PCDHGB1: variants seen among roughly 807,000 people sequenced by gnomAD.
The protein encoded by PCDHGB1 is protocadherin gamma subfamily B, 1, also known as protocadherin gamma-B1.
PCDHGB1 carries 34 observed loss-of-function variants against 56.6 expected under a neutral mutation model. The ratio of observed to expected loss-of-function variants is 0.60; its 90% CI spans 0.46 to 0.80. The LOEUF (loss-of-function observed/expected upper bound fraction) is 0.80. Among genes scored for constraint, PCDHGB1 ranks in the 30% least tolerant of loss-of-function variants. PCDHGB1 has a pLI of 0.00. For synonymous variants in PCDHGB1, 561 were observed against 505.9 expected (o/e 1.11, Z -1.46); for missense variants, 1,278 against 1,204.6 (o/e 1.06, Z -0.90).
At position 141,489,585 on chromosome 5, in the gene PCDHGB1, G is replaced by A; in HGVS notation, c.2410-5222G>A. 3 of 1,614,090 alleles carry A rather than the reference G, an allele frequency of 1.9e-6. No individual in the cohort carries two copies. Among genetic ancestry groups the A allele is most frequent in the Non-Finnish European group, 2.5e-6 (3 of 1,180,004 alleles). The stretch of plus-strand genomic sequence containing the variant: ...AGGTGGTGACTGAACACCCCCTGGA[G>A]CTAATCCGTGTAGAGGTAGAGATCC... On this transcript the variant is annotated intron_variant, in intron 1 of 3. Coordinates refer to ENST00000523390, the MANE Select transcript of PCDHGB1 (RefSeq NM_018922.3). The surrounding 1 kb of genome is among the most constrained non-coding windows in gnomAD (Gnocchi z 4.5).
intron 1 of PCDHGB1, chr5:141,366,667 C>G (rs267600454): frequency 2.9e-5 from 47 of 1,614,054 alleles, no homozygotes; most frequent in Middle Eastern, 1.6e-4. Context: ...CAGACACGCT[C>G]CTTAGTGAAG....
At chr5:141,364,450 CA>C (rs754806491) in intron 1 of PCDHGB1, 3 of 1,613,980 alleles carry the variant, frequency 1.9e-6, no homozygotes, top group Non-Finnish European at 2.5e-6. Context: ...AGGAGCTGGA[CA>C]AAGGCTCCTT....
chr5:141,384,928 A>G (rs1780667479), intron 1 of PCDHGB1: 3 of 1,614,014 alleles, frequency 1.9e-6, no homozygotes, highest in Non-Finnish European at 2.5e-6. Context: ...CGACCTGGGC[A>G]GCCTTGAGCC....
At chr5:141,408,969 C>G (rs1005367761) in intron 1 of PCDHGB1, 1 of 1,613,594 alleles carries the variant, frequency 6.2e-7, no homozygotes, top group African/African-American at 1.3e-5. Flanking sequence ...GAAAATCTGC[C>G]CCCTGGGTCC....
At chr5:141,488,260 G>A (rs1297588710) in intron 1 of PCDHGB1, among the ~76,000 whole-genome samples, 2 of 152,182 alleles carry the variant, frequency 1.3e-5, no homozygotes, top group Non-Finnish European at 1.5e-5. Context: ...AGGTTGGGGC[G>A]GGTTGGTCAT....
chr5:141,476,897 A>G lies in PCDHGB1; in HGVS notation c.2410-17910A>G. ...CGTCCTGGAGGATGCACCCTCCGGC[A>G]CGCGCGTGGTACAAGTCCTTGCAAC... On this transcript the variant is annotated intron_variant, in intron 1 of 3. Coordinates refer to ENST00000523390, the MANE Select transcript of PCDHGB1 (RefSeq NM_018922.3). The surrounding 1 kb of genome is among the most constrained non-coding windows in gnomAD (Gnocchi z 7.6). 1 of 1,613,938 alleles carries G rather than the reference A, an allele frequency of 6.2e-7. No individual in the cohort carries two copies. Among genetic ancestry groups the G allele is most frequent in the Non-Finnish European group, 8.5e-7 (1 of 1,180,012 alleles).
chr5:141,501,425 G>A (rs1444899306), intron 2 of PCDHGB1, among the ~76,000 whole-genome samples: 1 of 151,726 alleles, frequency 6.6e-6, no homozygotes, highest in Non-Finnish European at 1.5e-5. Flanking sequence ...TTGACTAAAT[G>A]TAGTCCATTT....
chr5:141,440,103 A>G (rs1391819927), intron 1 of PCDHGB1: 1 of 152,222 alleles, frequency 6.6e-6, no homozygotes, highest in Non-Finnish European at 1.5e-5. Flanking sequence ...GAAAGTGGAG[A>G]CTTACTTGTG....
intron 1 of PCDHGB1, chr5:141,357,547 G>T (rs763777724): frequency 2.4e-5 from 38 of 1,614,096 alleles, no homozygotes; most frequent in South Asian, 2.2e-4. Context: ...CATCAGCCGG[G>T]AGAGTTGTGA....
At chr5:141,400,138 A>G (rs1459833287) in intron 1 of PCDHGB1, 4 of 1,614,046 alleles carry the variant, frequency 2.5e-6, no homozygotes, top group Admixed American at 1.7e-5. Context: ...GCTGCCGGAT[A>G]TCACTGACCG....
chr5:141,409,198 A>T, intron 1 of PCDHGB1: 1 of 1,614,010 alleles, frequency 6.2e-7, no homozygotes, highest in South Asian at 1.1e-5. Flanking sequence ...CCCAGTGTAA[A>T]GTAATCATAG....
chr5:141,403,438 T>G (rs759998240), intron 1 of PCDHGB1: 12 of 1,614,054 alleles, frequency 7.4e-6, no homozygotes, highest in Non-Finnish European at 8.5e-6. Flanking sequence ...ATCCGGATGT[T>G]GGCGTGAACT....
rs745403144 is a variant in PCDHGB1 at position 141,350,774 on chromosome 5, A to T, written c.514A>T (p.Asn172Tyr). 1 of 1,613,850 alleles carries T rather than the reference A, an allele frequency of 6.2e-7. No homozygotes were observed. Among genetic ancestry groups the T allele is most frequent in the Non-Finnish European group, 8.5e-7 (1 of 1,179,896 alleles). ...ACTGAAGTTATACACCATCAACCCC[A>T]ATCAATACTTCTCTCTGTCAACGAA... ...NSLKLYTINP[N>Y]QYFSLSTKES... The change falls in exon 1 of 4, where the codon AAT becomes TAT. Residue 172 changes from asparagine to tyrosine, a missense_variant. Asn to Tyr is a moderately radical substitution (Grantham distance 143). Transcript: ENST00000523390.
At chr5:141,492,242 C>G (rs2099738685) in intron 1 of PCDHGB1, among the ~76,000 whole-genome samples, 1 of 152,190 alleles carries the variant, frequency 6.6e-6, no homozygotes, top group Admixed American at 6.5e-5. Flanking sequence ...GCTGGCCACC[C>G]CCACGGCCCA....
chr5:141,384,763 T>C, intron 1 of PCDHGB1: 1 of 1,613,952 alleles, frequency 6.2e-7, no homozygotes. Context: ...GGTTGGGCTG[T>C]ACACGGGCGA....
chr5:141,386,797 T>C (rs771279831), intron 1 of PCDHGB1, among the ~76,000 whole-genome samples: 1 of 152,124 alleles, frequency 6.6e-6, no homozygotes, highest in Non-Finnish European at 1.5e-5. Context: ...TGACCAAAAT[T>C]TATTAGATGC....
chr5:141,398,337 G>T, intron 1 of PCDHGB1: 3 of 1,369,482 alleles, frequency 2.2e-6, no homozygotes, highest in Non-Finnish European at 3.0e-6. Context: ...GCGTCAGTTC[G>T]GAGAAGCCTT....
At chr5:141,438,957 C>T (rs1292059651) in intron 1 of PCDHGB1, among the ~76,000 whole-genome samples, 1 of 152,026 alleles carries the variant, frequency 6.6e-6, no homozygotes, top group Non-Finnish European at 1.5e-5. Context: ...TGAGCCACCG[C>T]ACCCTGCCAA....
intron 1 of PCDHGB1, among the ~76,000 whole-genome samples, chr5:141,369,925 G>A (rs376465013): frequency 3.9e-5 from 6 of 152,186 alleles, no homozygotes; most frequent in Non-Finnish European, 4.4e-5. Flanking sequence ...AACTAAAAAC[G>A]TGACGGGATT....
Sources: allele counts gnomAD v4.1 joint callset (sites outside exome capture counted in the v4.1 genomes callset), GRCh38; gene constraint gnomAD v4.1.1; non-coding constraint Gnocchi (gnomAD v3.1); transcripts MANE v1.5; gene names NCBI Gene and HGNC (gene_info 2026-07-23, HGNC 2026-07-21).